The following ZSCAN2 variants were observed in gnomAD, a reference collection of about 807,000 sequenced individuals.
ZSCAN2 encodes zinc finger and SCAN domain containing 2, also known as zinc finger and SCAN domain-containing protein 2.
A neutral mutation model predicts 47.8 loss-of-function variants in ZSCAN2; 26 were observed. The ratio of observed to expected loss-of-function variants is 0.54; its 90% CI spans 0.40 to 0.75. The LOEUF (loss-of-function observed/expected upper bound fraction) is 0.75, where lower values mean the gene tolerates loss of function less well. Ranked by LOEUF, ZSCAN2 falls within the 30% of genes least tolerant of loss-of-function variation. The probability of loss-of-function intolerance (pLI) is 0.00; values close to 1 mark genes in which losing one functional copy is unlikely to be tolerated. For synonymous variants in ZSCAN2, 305 were observed against 288.7 expected (o/e 1.06, Z -0.57); for missense variants, 732 against 785.4 (o/e 0.93, Z 0.81).
chr15:84,610,488 C>CTTTT (rs71132689), intron 2 of ZSCAN2, among the ~76,000 whole-genome samples: 23 of 86,938 alleles, frequency 2.6e-4, no homozygotes, highest in Non-Finnish European at 3.8e-4. Context: ...TTCTTTCTTT[C>CTTTT]TTTTTTTTTT....
intron 2 of ZSCAN2, chr15:84,606,962 T>C: frequency 4.1e-6 from 3 of 736,126 alleles, no homozygotes; most frequent in Non-Finnish European, 5.0e-6. Context: ...TGACCTCTAT[T>C]CTGTTTGTCC....
intron 2 of ZSCAN2, among the ~76,000 whole-genome samples, chr15:84,608,339 G>A (rs771543198): frequency 2.0e-5 from 3 of 151,796 alleles, no homozygotes; most frequent in Non-Finnish European, 4.4e-5. Context: ...AGACCAGCCT[G>A]GCCAACATAG....
At chr15:84,611,488 C>CT (rs1895546470) in intron 2 of ZSCAN2, among the ~76,000 whole-genome samples, 1 of 151,980 alleles carries the variant, frequency 6.6e-6, no homozygotes, top group Admixed American at 6.6e-5. Flanking sequence ...GTGGCTCACA[C>CT]TGTCATCCCA....
At chr15:84,618,222 A>G (rs937811378) in intron 2 of ZSCAN2, among the ~76,000 whole-genome samples, 1 of 152,114 alleles carries the variant, frequency 6.6e-6, no homozygotes, top group Non-Finnish European at 1.5e-5. Context: ...GTTTGAGACC[A>G]GCCTGGCCAA....
intron 2 of ZSCAN2, chr15:84,606,537 G>A (rs776192918): frequency 1.2e-6 from 2 of 1,613,206 alleles, no homozygotes; most frequent in Non-Finnish European, 1.7e-6. Flanking sequence ...AGCTGTAGCT[G>A]TCGTTGCTTC....
chr15:84,620,435 T>G (rs1429537422), intron 2 of ZSCAN2, among the ~76,000 whole-genome samples, 167 bp from the exon 3 acceptor site: 1 of 152,242 alleles, frequency 6.6e-6, no homozygotes, highest in East Asian at 1.9e-4. Context: ...ATAGAATGAT[T>G]TATATTCCTT....
intron 2 of ZSCAN2, among the ~76,000 whole-genome samples, chr15:84,605,066 AAATGACAAGTAAACCAGCT>A (rs1895340766): frequency 6.6e-6 from 1 of 152,166 alleles, no homozygotes; most frequent in Admixed American, 6.5e-5. Flanking sequence ...AAACCAAGAG[AAATGACAAGTAAACCAGCT>A]AATAACTAGG....
Position 84,610,558 on chromosome 15 carries a change from G to A in ZSCAN2, c.406+6225G>A, listed in dbSNP as rs557694559. 2.1e-5 allele frequency among the ~76,000 whole-genome samples: 3 copies of A among 143,988 alleles called. No individual in the cohort carries two copies. The South Asian group carries it at 6.5e-4, about 31-fold the overall frequency. The allele number at this position is 143,988 out of a possible 152,430, so 94.5% of individuals were successfully genotyped here. On this transcript the variant is annotated intron_variant, in intron 2 of 2. Coordinates refer to ENST00000546148, the MANE Select transcript of ZSCAN2 (RefSeq NM_181877.4). Reference sequence around the variant, plus strand: ...GGCTGGAGTGCAGTGGCGCCATCTCGGCACTGCAACCTCCACCTCCAGGGT... The same window carrying A: ...GGCTGGAGTGCAGTGGCGCCATCTCAGCACTGCAACCTCCACCTCCAGGGT...
In ZSCAN2 at chr15:84,620,887, T is replaced by TTCCC; in HGVS notation, c.692_693insTCCC (p.Ser232ProfsTer23). ...GAATGTCCCCAGTGTGGGAAGACCT[T>TTCCC]CAGCCGGAAATCCCACCTCATCACA... On this transcript the variant is annotated frameshift_variant, in exon 3 of 3. Transcript: ENST00000546148. LOFTEE classifies it high-confidence loss of function. 1 of 1,614,166 alleles carries TTCCC rather than the reference T, an allele frequency of 6.2e-7. No homozygotes were observed. Among genetic ancestry groups the TTCCC allele is most frequent in the Non-Finnish European group, 8.5e-7 (1 of 1,180,038 alleles).
intron 2 of ZSCAN2, among the ~76,000 whole-genome samples, chr15:84,609,305 A>C (rs1273298870): frequency 1.3e-5 from 2 of 149,536 alleles, no homozygotes; most frequent in African/African-American, 5.1e-5. Context: ...TATATGAGAT[A>C]TATGATATAT....
intron 1 of ZSCAN2, among the ~76,000 whole-genome samples, chr15:84,602,587 CTTTTTTTTTTTT>C (rs981357914): frequency 8.6e-6 from 1 of 115,744 alleles, no homozygotes; most frequent in African/African-American, 3.2e-5. Flanking sequence ...CTTTTCTTTT[CTTTTTTTTTTTT>C]TTTTTTTGAG....
intron 1 of ZSCAN2, among the ~76,000 whole-genome samples, chr15:84,602,437 T>C (rs957668046): frequency 6.6e-6 from 1 of 152,090 alleles, no homozygotes; most frequent in African/African-American, 2.4e-5. Context: ...TTAAATTTCA[T>C]ATGTTTGCTC....
At chr15:84,610,488 C>CT (rs71132689) in intron 2 of ZSCAN2, among the ~76,000 whole-genome samples, 39,410 of 86,700 alleles carry the variant, frequency 0.45, 7,067 homozygotes, top group Middle Eastern at 0.53. Context: ...TTCTTTCTTT[C>CT]TTTTTTTTTT....
At position 84,622,684 on chromosome 15, in the gene ZSCAN2, T is replaced by G; in HGVS notation, c.*644T>G. ...CACAGAAACTTGAGGAAGTACAGCC[T>G]GGAGCCAGTGTCCCAGTGTCCTTTC... On this transcript the variant is annotated 3_prime_UTR_variant, in exon 3 of 3. Transcript: ENST00000546148. 1 of 717,450 alleles carries G rather than the reference T, an allele frequency of 1.4e-6. No individual in the cohort carries two copies. The highest frequency in any genetic ancestry group is 2.7e-5 in the East Asian group (1 of 37,296). 44.4% of individuals were successfully genotyped at this position (717,450 alleles called of 1,614,324 possible). A position where few individuals can be genotyped will look rare whatever the true frequency, so the allele number is the denominator to read the frequency against.
At chr15:84,608,842 A>T (rs1476472280) in intron 2 of ZSCAN2, among the ~76,000 whole-genome samples, 1 of 152,200 alleles carries the variant, frequency 6.6e-6, no homozygotes, top group African/African-American at 2.4e-5. Flanking sequence ...GGCCAGCAGC[A>T]TCAGCTCACC....
At chr15:84,611,490 G>A (rs1421539552) in intron 2 of ZSCAN2, among the ~76,000 whole-genome samples, 1 of 151,788 alleles carries the variant, frequency 6.6e-6, no homozygotes, top group Admixed American at 6.6e-5. Context: ...GGCTCACACT[G>A]TCATCCCAGC....
chr15:84,613,080 C>T (rs929162012), intron 2 of ZSCAN2, among the ~76,000 whole-genome samples: 4 of 152,204 alleles, frequency 2.6e-5, no homozygotes, highest in Non-Finnish European at 5.9e-5. Flanking sequence ...ACTAGTTCTT[C>T]CAGCATCATT....
intron 2 of ZSCAN2, among the ~76,000 whole-genome samples, chr15:84,613,362 C>T (rs1033887609): frequency 1.2e-4 from 19 of 152,082 alleles, no homozygotes; most frequent in African/African-American, 4.3e-4. Context: ...GCTCTGTTGC[C>T]CAGGCTGGAA....
chr15:84,615,365 CTG>C (rs1198115320), intron 2 of ZSCAN2, among the ~76,000 whole-genome samples: 3 of 152,170 alleles, frequency 2.0e-5, no homozygotes, highest in Non-Finnish European at 4.4e-5. Context: ...GGGTCTCACT[CTG>C]TCACCCGGGC....
Sources: allele counts gnomAD v4.1 joint callset (sites outside exome capture counted in the v4.1 genomes callset), GRCh38; gene constraint gnomAD v4.1.1; transcripts MANE v1.5; gene names NCBI Gene and HGNC (gene_info 2026-07-23, HGNC 2026-07-21).